Variants in ANXA8 observed in about 807,000 individuals in gnomAD.
The protein encoded by ANXA8 is VAC-beta.
In ANXA8, 9 loss-of-function variants were observed where a neutral mutation model predicts 26.8. That is an observed-to-expected ratio of 0.34 (90% CI 0.20 to 0.59). ANXA8 has a LOEUF of 0.59. Ranked by LOEUF, ANXA8 falls within the 20% of genes least tolerant of loss-of-function variation. The pLI is 0.84. For missense variants in ANXA8, 83 were observed against 238.5 expected, an observed-to-expected ratio of 0.35 and a Z score of 4.29; for synonymous variants, 39 against 94.8, an observed-to-expected ratio of 0.41 and a Z score of 3.42.
At chr10:47,609,172 G>T in the ANXA8 span, among the ~76,000 whole-genome samples, 2 of 144,682 alleles carry the variant, frequency 1.4e-5, no homozygotes, top group Non-Finnish European at 3.0e-5. Flanking sequence ...TTATTTCAAA[G>T]AATGCAAAAC....
At chr10:47,671,237 A>G in the ANXA8 span, among the ~76,000 whole-genome samples, 1 of 151,798 alleles carries the variant, frequency 6.6e-6, no homozygotes, top group Non-Finnish European at 1.5e-5. Context: ...AGCCAGGGCA[A>G]CATGGTGAAA....
At chr10:47,500,900 A>ATT in the ANXA8 span, among the ~76,000 whole-genome samples, 6 of 109,112 alleles carry the variant, frequency 5.5e-5, no homozygotes, top group African/African-American at 1.1e-4. Flanking sequence ...CGCCCAGCTA[A>ATT]TTTTTTTTTT....
chr10:47,548,397 G>A, the ANXA8 span, among the ~76,000 whole-genome samples: 134 of 149,632 alleles, frequency 9.0e-4, no homozygotes, highest in African/African-American at 3.1e-3. Flanking sequence ...CATCTCCTGG[G>A]TTGAAGCGAT....
At chr10:47,743,916 G>T in the ANXA8 span, among the ~76,000 whole-genome samples, 1 of 139,076 alleles carries the variant, frequency 7.2e-6, no homozygotes, top group Non-Finnish European at 1.6e-5. Context: ...GATGCCAGCC[G>T]ATTCTCAAAA....
chr10:47,600,184 G>A, the ANXA8 span, among the ~76,000 whole-genome samples: 2 of 149,182 alleles, frequency 1.3e-5, no homozygotes, highest in African/African-American at 5.1e-5. Context: ...AAACATTCAC[G>A]TACAATGTGG....
upstream of ANXA8, among the ~76,000 whole-genome samples, chr10:47,488,876 C>T (rs1438408657): frequency 8.2e-5 from 12 of 146,002 alleles, no homozygotes; most frequent in East Asian, 1.1e-3. Flanking sequence ...TACAGGTGCC[C>T]GCCACCGTGC....
At chr10:47,768,542 G>A in the ANXA8 span, among the ~76,000 whole-genome samples, 1 of 150,788 alleles carries the variant, frequency 6.6e-6, no homozygotes, top group Non-Finnish European at 1.5e-5. Context: ...GGATTTGCCA[G>A]ATTCCTTTCT....
At chr10:47,744,441 A>AAGG in the ANXA8 span, among the ~76,000 whole-genome samples, 1 of 6,362 alleles carries the variant, frequency 1.6e-4, no homozygotes, top group Non-Finnish European at 2.7e-4. Flanking sequence ...AGGGGGGAAG[A>AAGG]GGGGGGGCCT....
chr10:47,571,546 A>G, the ANXA8 span, among the ~76,000 whole-genome samples: 1 of 149,582 alleles, frequency 6.7e-6, no homozygotes, highest in Admixed American at 6.6e-5. Context: ...GTTTAGCATC[A>G]GCTTGTAAAT....
the ANXA8 span, among the ~76,000 whole-genome samples, chr10:47,527,710 G>A: frequency 7.1e-6 from 1 of 141,230 alleles, no homozygotes; most frequent in Admixed American, 7.2e-5. Flanking sequence ...TGAACTGGAG[G>A]TGAGAAAACA....
the ANXA8 span, among the ~76,000 whole-genome samples, chr10:47,650,565 G>A: frequency 1.3e-5 from 2 of 149,828 alleles, no homozygotes; most frequent in Non-Finnish European, 3.0e-5. Flanking sequence ...CCAGCACTTT[G>A]GGAGGCCAAG....
the ANXA8 span, among the ~76,000 whole-genome samples, chr10:47,687,374 C>T: frequency 6.6e-6 from 1 of 151,428 alleles, no homozygotes; most frequent in African/African-American, 2.4e-5. Context: ...AAGCGATTCT[C>T]CTGCCTCAGC....
the ANXA8 span, among the ~76,000 whole-genome samples, chr10:47,626,620 C>T: frequency 6.7e-6 from 1 of 149,980 alleles, no homozygotes; most frequent in African/African-American, 2.5e-5. Context: ...ATAATTGGGC[C>T]ACATACATAA....
At chr10:47,532,941 TG>T in the ANXA8 span, among the ~76,000 whole-genome samples, 10 of 75,744 alleles carry the variant, frequency 1.3e-4, no homozygotes, top group East Asian at 1.2e-3. Context: ...CCATTAGATC[TG>T]GGTTTCTATT....
chr10:47,541,344 CA>C, the ANXA8 span, among the ~76,000 whole-genome samples: 41 of 139,352 alleles, frequency 2.9e-4, no homozygotes, highest in African/African-American at 9.9e-4. Flanking sequence ...AAAACAAAAA[CA>C]AAAACAAAAA....
At chr10:47,667,534 A>T in the ANXA8 span, among the ~76,000 whole-genome samples, 4 of 151,588 alleles carry the variant, frequency 2.6e-5, no homozygotes, top group African/African-American at 9.7e-5. Context: ...AAATTTATTT[A>T]TATATTTTTA....
At chr10:47,664,242 G>A in the ANXA8 span, among the ~76,000 whole-genome samples, 27 of 152,008 alleles carry the variant, frequency 1.8e-4, 1 homozygote, top group Admixed American at 1.7e-3. Context: ...GCCGGGCGTG[G>A]TGGCGGGTGC....
the ANXA8 span, among the ~76,000 whole-genome samples, chr10:47,967,020 T>C: frequency 6.7e-6 from 1 of 149,926 alleles, no homozygotes; most frequent in Non-Finnish European, 1.5e-5. Flanking sequence ...ATATTAGATA[T>C]TGATCAGATC....
the ANXA8 span, among the ~76,000 whole-genome samples, chr10:47,497,882 T>C: frequency 1.2e-4 from 18 of 152,020 alleles, no homozygotes; most frequent in African/African-American, 4.1e-4. Context: ...GAGGTTGCAG[T>C]GAGCCGAGAC....
Sources: gnomAD v4.1 joint callset for allele counts (sites outside exome capture counted in the v4.1 genomes callset) on GRCh38, gnomAD v4.1.1 for gene constraint, MANE v1.5 for transcripts, NCBI Gene and HGNC (gene_info 2026-07-23, HGNC 2026-07-21) for gene names.